Variants in MAPK8 observed in about 807,000 individuals in gnomAD.
The protein encoded by MAPK8 is JUN N-terminal kinase.
Under a neutral mutation model 52.9 loss-of-function variants are expected in MAPK8, and 13 were observed. The observed-to-expected ratio is 0.25, with a 90% CI of 0.16 to 0.39. The LOEUF is 0.39. MAPK8 is among the 10% of genes least tolerant of loss of function. The pLI is 1.00. For missense variants in MAPK8, 300 were observed against 519.2 expected (o/e 0.58, Z 4.10); for synonymous variants, 191 against 169.8 (o/e 1.12, Z -0.97).
chr10:48,312,331 C>G (rs1842056083), intron 1 of MAPK8, among the ~76,000 whole-genome samples: 1 of 152,142 alleles, frequency 6.6e-6, no homozygotes, highest in African/African-American at 2.4e-5. Flanking sequence ...AGGTACTAAC[C>G]AGAGTTCTCA....
intron 1 of MAPK8, among the ~76,000 whole-genome samples, chr10:48,315,195 A>G (rs775044579): frequency 2.0e-5 from 3 of 152,142 alleles, no homozygotes; most frequent in Non-Finnish European, 2.9e-5. Context: ...CAACCCATCT[A>G]GTCTAGTCTG....
intron 1 of MAPK8, among the ~76,000 whole-genome samples, chr10:48,395,964 AAC>A (rs1286236117): frequency 6.6e-6 from 1 of 152,162 alleles, no homozygotes; most frequent in East Asian, 1.9e-4. Context: ...ACTCTTATAC[AAC>A]AGTTATCATA....
At chr10:48,424,535 G>A in intron 7 of MAPK8, 1 of 1,600,840 alleles carries the variant, frequency 6.2e-7, no homozygotes, top group South Asian at 1.1e-5. Context: ...TCAGTTGGGT[G>A]CATCATGGGA....
At chr10:48,306,879 T>G (rs1479638827) in intron 1 of MAPK8, 58 bp downstream of exon 1, 8 of 152,104 alleles carry the variant, frequency 5.3e-5, no homozygotes, top group Non-Finnish European at 1.2e-4. Context: ...GTGTTTATGT[T>G]ATTGTGCCGC....
intron 1 of MAPK8, among the ~76,000 whole-genome samples, chr10:48,387,552 A>C (rs1255518979): frequency 6.6e-6 from 1 of 152,172 alleles, no homozygotes; most frequent in African/African-American, 2.4e-5. Context: ...CCTCATTTTT[A>C]AACTGCTTAT....
At chr10:48,371,130 C>T (rs957809428) in intron 1 of MAPK8, among the ~76,000 whole-genome samples, 1 of 151,940 alleles carries the variant, frequency 6.6e-6, no homozygotes, top group Non-Finnish European at 1.5e-5. Context: ...ATGTATATTG[C>T]CAATGAATGA....
chr10:48,377,473 A>G (rs758751361), intron 1 of MAPK8, among the ~76,000 whole-genome samples: 3 of 152,218 alleles, frequency 2.0e-5, no homozygotes, highest in African/African-American at 4.8e-5. Context: ...AGTTGGGTAC[A>G]TGGCTACTTT....
intron 1 of MAPK8, among the ~76,000 whole-genome samples, chr10:48,365,054 A>T (rs1039632177): frequency 5.9e-5 from 9 of 152,208 alleles, no homozygotes; most frequent in South Asian, 2.1e-4. Context: ...CAAGTTATTG[A>T]TGTAAATACA....
intron 1 of MAPK8, among the ~76,000 whole-genome samples, chr10:48,367,252 G>A (rs534831452): frequency 1.3e-5 from 2 of 152,066 alleles, no homozygotes; most frequent in African/African-American, 4.8e-5. Flanking sequence ...TGTAGTCCTA[G>A]CTATTCAGGA....
At chr10:48,380,817 G>A (rs1315015361) in intron 1 of MAPK8, among the ~76,000 whole-genome samples, 2 of 152,172 alleles carry the variant, frequency 1.3e-5, no homozygotes, top group Non-Finnish European at 2.9e-5. Context: ...TAGGATCACA[G>A]GTCATTGTAA....
At position 48,306,925 on chromosome 10, in the gene MAPK8, C is replaced by G. The variant is rs988199670; in HGVS notation, c.-50+104C>G. 9.2e-5 allele frequency: 14 copies of G among 152,348 alleles called. No individual in the cohort carries two copies. In the East Asian group the frequency reaches 1.7e-3, roughly 19 times the overall value. 9.4% of individuals were successfully genotyped at this position (152,348 alleles called of 1,614,324 possible). ...GCCGCCTTCTCCTCAGCCGTAACCC[C>G]CTCCTGGGAGTGGGGGCGGGAGCGC... is the stretch of plus-strand genomic sequence containing the variant. On this transcript the variant is annotated intron_variant, in intron 1 of 11. Coordinates refer to ENST00000374189, the MANE Select transcript of MAPK8 (RefSeq NM_001323329.2).
At chr10:48,317,651 T>C (rs1426977892) in intron 1 of MAPK8, among the ~76,000 whole-genome samples, 1 of 152,086 alleles carries the variant, frequency 6.6e-6, no homozygotes, top group Non-Finnish European at 1.5e-5. Flanking sequence ...AGAGTACGGG[T>C]AGAGAGTTTG....
chr10:48,431,749 G>C (rs926630688), intron 11 of MAPK8, among the ~76,000 whole-genome samples: 3 of 152,094 alleles, frequency 2.0e-5, no homozygotes, highest in Non-Finnish European at 4.4e-5. Flanking sequence ...GAAGAAAACT[G>C]GGTTTGTAGG....
intron 9 of MAPK8, 55 bp from the exon 10 acceptor site, chr10:48,427,025 G>T (rs573021554): frequency 3.0e-5 from 38 of 1,273,636 alleles, no homozygotes; most frequent in Middle Eastern, 1.9e-4. Flanking sequence ...AATAACTACA[G>T]AGTTAAAATA....
chr10:48,420,274 C>G lies in MAPK8; in HGVS notation c.570C>G (p.Tyr190Ter). ...TGACGCCTTATGTAGTGACTCGCTA[C>G]TACAGAGCACCCGAGGTCATCCTTG... is the stretch of plus-strand genomic sequence containing the variant. ...FMMTPYVVTR[Y>*]YRAPEVILGM... Residue 190 changes from tyrosine (Y) to a stop codon, truncating the protein, a stop_gained, in exon 6 of 12, where the codon TAC (tyrosine) becomes TAG (stop). Coordinates refer to ENST00000374189, the MANE Select transcript of MAPK8 (RefSeq NM_001323329.2). LOFTEE classifies it high-confidence loss of function. The G allele has an allele frequency of 6.2e-7, 1 of 1,613,676 alleles. No individual in the cohort carries two copies. Among genetic ancestry groups the G allele is most frequent in the Non-Finnish European group, 8.5e-7 (1 of 1,179,684 alleles).
chr10:48,338,781 A>G (rs2132314772), intron 1 of MAPK8, among the ~76,000 whole-genome samples: 1 of 152,220 alleles, frequency 6.6e-6, no homozygotes, highest in South Asian at 2.1e-4. Context: ...TACACCAATA[A>G]CATTCAAGCT....
chr10:48,371,104 C>T (rs966955656), intron 1 of MAPK8, among the ~76,000 whole-genome samples: 3 of 152,040 alleles, frequency 2.0e-5, no homozygotes, highest in African/African-American at 4.8e-5. Flanking sequence ...TGAAGAGTAA[C>T]TGACTTTCTG....
At chr10:48,315,082 T>C (rs1007222620) in intron 1 of MAPK8, among the ~76,000 whole-genome samples, 2 of 152,234 alleles carry the variant, frequency 1.3e-5, no homozygotes, top group African/African-American at 4.8e-5. Context: ...TATTGTAGTT[T>C]ATGCTGTGTT....
At chr10:48,360,758 C>T (rs1367346312) in intron 1 of MAPK8, among the ~76,000 whole-genome samples, 2 of 151,940 alleles carry the variant, frequency 1.3e-5, no homozygotes, top group African/African-American at 4.8e-5. Flanking sequence ...GAGCCAAAAC[C>T]GAAAAATATG....
Sources: gnomAD v4.1 joint callset for allele counts (sites outside exome capture counted in the v4.1 genomes callset) on GRCh38, gnomAD v4.1.1 for gene constraint, MANE v1.5 for transcripts, NCBI Gene and HGNC (gene_info 2026-07-23, HGNC 2026-07-21) for gene names.